TRHDE: variants seen among roughly 807,000 people sequenced by gnomAD.
The protein encoded by TRHDE is thyrotropin-releasing hormone-degrading ectoenzyme.
A neutral mutation model predicts 125.7 loss-of-function variants in TRHDE; 72 were observed. The ratio of observed to expected loss-of-function variants is 0.57; its 90% CI spans 0.47 to 0.70. The LOEUF is 0.70. Ranked by LOEUF, TRHDE falls within the 30% of genes least tolerant of loss-of-function variation. TRHDE has a pLI of 0.00. For synonymous variants in TRHDE, 509 were observed against 509.1 expected (o/e 1.00, Z 0.00); for missense variants, 1,110 against 1,327.1 (o/e 0.84, Z 2.54).
chr12:72,474,695 T>G (rs1876810802), intron 5 of TRHDE, among the ~76,000 whole-genome samples: 1 of 152,182 alleles, frequency 6.6e-6, no homozygotes, highest in Admixed American at 6.5e-5. Context: ...CAAAAATATT[T>G]TATACTGCTC....
At chr12:72,329,490 T>C (rs202018049) in intron 2 of TRHDE, among the ~76,000 whole-genome samples, 2 of 152,200 alleles carry the variant, frequency 1.3e-5, no homozygotes, top group East Asian at 3.9e-4. Flanking sequence ...ATGCAATAGC[T>C]TTTCTTACCG....
intron 2 of TRHDE, among the ~76,000 whole-genome samples, chr12:72,238,783 A>C (rs1878415794): frequency 6.6e-6 from 1 of 152,048 alleles, no homozygotes; most frequent in Admixed American, 6.6e-5. Context: ...TTTCTTTATC[A>C]AGTCTATCAT....
chr12:72,438,130 T>A (rs368324840), intron 3 of TRHDE, among the ~76,000 whole-genome samples: 2 of 151,884 alleles, frequency 1.3e-5, no homozygotes, highest in South Asian at 4.1e-4. Flanking sequence ...TACGGCCGAA[T>A]AGTATTTCAT....
intron 2 of TRHDE, chr12:72,255,124 C>T (rs190017180): frequency 6.6e-6 from 1 of 152,192 alleles, no homozygotes; most frequent in Admixed American, 6.5e-5. Flanking sequence ...ATTTGCAATA[C>T]TGACAGAAAA....
At chr12:72,307,981 C>A (rs1868376439) in intron 2 of TRHDE, among the ~76,000 whole-genome samples, 1 of 151,880 alleles carries the variant, frequency 6.6e-6, no homozygotes, top group South Asian at 2.1e-4. Flanking sequence ...TTTTGTCATG[C>A]CTGTGTCTTT....
At chr12:72,303,765 G>T (rs190019056) in intron 2 of TRHDE, among the ~76,000 whole-genome samples, 1 of 152,146 alleles carries the variant, frequency 6.6e-6, no homozygotes, top group African/African-American at 2.4e-5. Context: ...TTTCTAAATT[G>T]CTATACCTAG....
Position 72,575,490 on chromosome 12 carries a change from C to T in TRHDE, c.2269C>T (p.Leu757Phe), listed in dbSNP as rs1870948942. Residue 757 changes from leucine (L) to phenylalanine (F), a missense_variant, in exon 12 of 19, where the codon CTT becomes TTT. This residue lies in a region of TRHDE where 527 missense variants were observed against 651.8 expected (regional missense o/e 0.81). Transcript: ENST00000261180. ...IDQLIRNHEVLSVSNRAGLID... is the reference protein window; with the variant it reads ...IDQLIRNHEVFSVSNRAGLID... ...TATTTTTTCTAATTGGCCTCAGGTT[C>T]TTTCTGTCAGTAACCGAGCGGGCTT... is the stretch of plus-strand genomic sequence containing the variant. 1 of 1,613,560 alleles carries T rather than the reference C, an allele frequency of 6.2e-7. No individual in the cohort carries two copies. Among genetic ancestry groups the T allele is most frequent in the African/African-American group, 1.3e-5 (1 of 74,880 alleles).
At chr12:72,564,677 T>G in intron 9 of TRHDE, among the ~76,000 whole-genome samples, 1 of 125,360 alleles carries the variant, frequency 8.0e-6, no homozygotes, top group African/African-American at 3.0e-5. Flanking sequence ...TTTTTTTTTT[T>G]TTTTTTTTGA....
At chr12:72,400,270 A>C (rs577488095) in intron 3 of TRHDE, among the ~76,000 whole-genome samples, 1 of 152,250 alleles carries the variant, frequency 6.6e-6, no homozygotes, top group Non-Finnish European at 1.5e-5. Context: ...CAAGTTTATT[A>C]ATATTAAAAT....
At chr12:72,260,830 G>A (rs1185367227) in intron 2 of TRHDE, among the ~76,000 whole-genome samples, 1 of 152,198 alleles carries the variant, frequency 6.6e-6, no homozygotes, top group Non-Finnish European at 1.5e-5. Flanking sequence ...TGCTTACTCT[G>A]TGGATACAGA....
At position 72,149,503 on chromosome 12, in the gene TRHDE, C is replaced by G. The variant is rs1165141320; in HGVS notation, n.279+43751C>G. On this transcript the variant is annotated intron_variant and non_coding_transcript_variant, in intron 2 of 4. Coordinates refer to the TRHDE transcript ENST00000548156. ...CACTAGTTTCTCTATTTTTAAAAAT[C>G]TAAGTCACCCAGCTTGGCATTTGCA... 2.0e-5 allele frequency among the ~76,000 whole-genome samples: 3 copies of G among 152,066 alleles called. No homozygotes were observed. In the East Asian group the frequency reaches 5.8e-4, roughly 29 times the overall value.
intron 3 of TRHDE, among the ~76,000 whole-genome samples, chr12:72,442,502 A>G (rs1875063554): frequency 6.6e-6 from 1 of 151,828 alleles, no homozygotes; most frequent in Non-Finnish European, 1.5e-5. Context: ...TTACTTATCT[A>G]TCTGCATTTC....
chr12:72,270,704 G>C (rs546620006), upstream of TRHDE, among the ~76,000 whole-genome samples: 1 of 152,246 alleles, frequency 6.6e-6, no homozygotes, highest in East Asian at 1.9e-4. Context: ...CTAAACACTG[G>C]AGACTCCTGC....
chr12:72,317,418 G>C (rs745497854), intron 2 of TRHDE, among the ~76,000 whole-genome samples: 1 of 152,116 alleles, frequency 6.6e-6, no homozygotes, highest in African/African-American at 2.4e-5. Context: ...AGAAATAATA[G>C]AAATTTATTT....
intron 2 of TRHDE, among the ~76,000 whole-genome samples, chr12:72,146,401 A>G (rs1876227861): frequency 6.6e-6 from 1 of 152,190 alleles, no homozygotes; most frequent in Non-Finnish European, 1.5e-5. Flanking sequence ...CCCCATCTGA[A>G]TTTCCATCTC....
chr12:72,584,316 A>G (rs1048318698), intron 12 of TRHDE, among the ~76,000 whole-genome samples: 2 of 152,156 alleles, frequency 1.3e-5, no homozygotes, highest in African/African-American at 4.8e-5. Flanking sequence ...ATCATATACA[A>G]CATGAAGTTT....
intron 2 of TRHDE, among the ~76,000 whole-genome samples, chr12:72,227,625 C>T (rs1878160144): frequency 6.6e-6 from 1 of 152,152 alleles, no homozygotes; most frequent in South Asian, 2.1e-4. Flanking sequence ...AACAGTCTCC[C>T]AAAGTCTTAA....
chr12:72,145,680 C>A (rs932103722), intron 2 of TRHDE, among the ~76,000 whole-genome samples: 1 of 152,112 alleles, frequency 6.6e-6, no homozygotes, highest in African/African-American at 2.4e-5. Context: ...CTTCAAAGAC[C>A]GAATCCTTTC....
chr12:72,155,814 C>T (rs1034369778), intron 2 of TRHDE, among the ~76,000 whole-genome samples: 4 of 152,206 alleles, frequency 2.6e-5, no homozygotes, highest in Non-Finnish European at 5.9e-5. Context: ...TGGGGGGTGC[C>T]TCCCAGTTAG....
Sources: gnomAD v4.1 joint callset for allele counts (sites outside exome capture counted in the v4.1 genomes callset) on GRCh38, gnomAD v4.1.1 for gene constraint, gnomAD v4.1.1 regional missense constraint, MANE v1.5 for transcripts, NCBI Gene and HGNC (gene_info 2026-07-23, HGNC 2026-07-21) for gene names.